The following MAML2 variants were observed in gnomAD, a reference collection of about 807,000 sequenced individuals.
The protein encoded by MAML2 is mastermind like transcriptional coactivator 2.
MAML2 carries 22 observed loss-of-function variants against 96.1 expected under a neutral mutation model. That is an observed-to-expected ratio of 0.23 (90% CI 0.16 to 0.33). The LOEUF is 0.33. MAML2 is among the 10% of genes least tolerant of loss of function. MAML2 has a pLI of 1.00. For synonymous variants in MAML2, 561 were observed against 521.3 expected (o/e 1.08, Z -1.04); for missense variants, 1,367 against 1,392.4 (o/e 0.98, Z 0.29).
At chr11:96,212,404 C>T (rs1198469185) in intron 1 of MAML2, among the ~76,000 whole-genome samples, 3 of 151,018 alleles carry the variant, frequency 2.0e-5, no homozygotes, top group Non-Finnish European at 4.4e-5. Flanking sequence ...TAAGGGTTTA[C>T]CCAGGAAGAG....
At chr11:96,036,988 A>G (rs764334829) in intron 2 of MAML2, among the ~76,000 whole-genome samples, 18 of 152,164 alleles carry the variant, frequency 1.2e-4, no homozygotes, top group Non-Finnish European at 2.5e-4. Context: ...TTTGAACTGG[A>G]TCCATCTTGG....
chr11:96,219,282 A>T (rs1393097356), intron 1 of MAML2, among the ~76,000 whole-genome samples: 1 of 152,194 alleles, frequency 6.6e-6, no homozygotes, highest in East Asian at 1.9e-4. Flanking sequence ...ATTCCTGTAC[A>T]TGTCTCACCT....
intron 4 of MAML2, 74 bp downstream of exon 4, chr11:95,985,457 C>T (rs998174639): frequency 1.2e-6 from 1 of 800,286 alleles, no homozygotes; most frequent in African/African-American, 1.8e-5. Context: ...ATGTGAGTTA[C>T]AGGGATTATT....
intron 1 of MAML2, among the ~76,000 whole-genome samples, chr11:96,152,863 CA>C (rs1860945787): frequency 6.6e-6 from 1 of 152,174 alleles, no homozygotes; most frequent in Non-Finnish European, 1.5e-5. Flanking sequence ...GCCCTCAAGA[CA>C]AGCAGCCTGC....
At chr11:96,272,292 T>C (rs1158932482) in intron 1 of MAML2, among the ~76,000 whole-genome samples, 19 of 152,200 alleles carry the variant, frequency 1.2e-4, no homozygotes, top group Admixed American at 1.2e-3. Context: ...ACTCAATAAA[T>C]ATTTGAGTAG....
chr11:96,194,506 C>G (rs376324522), intron 1 of MAML2, among the ~76,000 whole-genome samples: 1 of 152,158 alleles, frequency 6.6e-6, no homozygotes, highest in East Asian at 1.9e-4. Context: ...TTATGCAAAA[C>G]AGTTTACTGC....
intron 2 of MAML2, among the ~76,000 whole-genome samples, chr11:95,999,574 TA>T (rs5793766): frequency 0.27 from 37,310 of 138,334 alleles, 4,853 homozygotes; most frequent in East Asian, 0.41. Context: ...TTCTCTTAAT[TA>T]AAAAAAAAAA....
At chr11:96,318,313 G>GGAA (rs1251346555) in intron 1 of MAML2, among the ~76,000 whole-genome samples, 1 of 152,156 alleles carries the variant, frequency 6.6e-6, no homozygotes, top group Non-Finnish European at 1.5e-5. Context: ...AGGTAACACA[G>GGAA]GAAGAAGTAA....
intron 2 of MAML2, among the ~76,000 whole-genome samples, chr11:96,031,921 G>A (rs1858622154): frequency 6.6e-6 from 1 of 152,118 alleles, no homozygotes; most frequent in African/African-American, 2.4e-5. Context: ...GGGAGGCAGA[G>A]CTTGCAGTGA....
At chr11:95,991,273 A>G (rs566970864) in intron 3 of MAML2, among the ~76,000 whole-genome samples, 281 of 152,220 alleles carry the variant, frequency 1.8e-3, no homozygotes, top group African/African-American at 6.5e-3. Context: ...TGTTCTAGAC[A>G]TTCCTGGGCT....
intron 1 of MAML2, among the ~76,000 whole-genome samples, chr11:96,130,433 A>T (rs1860527068): frequency 6.6e-6 from 1 of 152,198 alleles, no homozygotes; most frequent in Non-Finnish European, 1.5e-5. Context: ...GAAGTTAGAG[A>T]GGGATAAGTA....
In MAML2 at chr11:96,202,859, C is replaced by T. The variant is rs137973167; in HGVS notation, c.514-109342G>A. Among the ~76,000 whole-genome samples the T allele has an allele frequency of 3.0e-3, 462 of 152,184 alleles. 2 individuals carry two copies. The highest frequency in any genetic ancestry group is 0.011 in the African/African-American group (440 of 41,512). On this transcript the variant is annotated intron_variant, in intron 1 of 4. Transcript: ENST00000524717. ...GCCAGGCTGGTCTCGAATTGCTGAC[C>T]TCAGGTGATCTATCCGCCTCGGCCT...
intron 1 of MAML2, among the ~76,000 whole-genome samples, chr11:96,337,640 T>A (rs1184367977): frequency 1.3e-5 from 2 of 152,188 alleles, no homozygotes; most frequent in Non-Finnish European, 2.9e-5. Context: ...GATACGTCAG[T>A]CTTATCTTGA....
At chr11:96,147,494 T>G (rs1016334513) in intron 1 of MAML2, among the ~76,000 whole-genome samples, 2 of 152,270 alleles carry the variant, frequency 1.3e-5, no homozygotes, top group Admixed American at 6.5e-5. Context: ...AGTTTATATT[T>G]TTTTAAATCG....
In MAML2 at chr11:96,221,476, C is replaced by A. The variant is rs149264533; in HGVS notation, c.513+119907G>T. ...TGGGAACAGTGTAACACTGTGGAGG[C>A]CAGGCTATACCCGAGGTTAGAGACC... On this transcript the variant is annotated intron_variant, in intron 1 of 4. Transcript: ENST00000524717. Among the ~76,000 whole-genome samples the A allele has an allele frequency of 3.2e-3, 494 of 152,120 alleles. 1 individual carries two copies. Among genetic ancestry groups the A allele is most frequent in the African/African-American group, 0.011 (463 of 41,496 alleles).
chr11:96,257,098 A>C (rs1416503418), intron 1 of MAML2, among the ~76,000 whole-genome samples: 3 of 152,242 alleles, frequency 2.0e-5, no homozygotes, highest in Non-Finnish European at 4.4e-5. Flanking sequence ...TTTTGCATTC[A>C]GCATTTTGAG....
chr11:96,024,245 T>C (rs2135739513), intron 2 of MAML2, among the ~76,000 whole-genome samples: 1 of 152,366 alleles, frequency 6.6e-6, no homozygotes, highest in South Asian at 2.1e-4. Flanking sequence ...TGCCTGAGTT[T>C]GGAGAAAGAA....
intron 2 of MAML2, among the ~76,000 whole-genome samples, chr11:95,998,122 A>ATCTGTCTGTCTGTCTG (rs138084497): frequency 8.5e-5 from 10 of 117,462 alleles, no homozygotes; most frequent in South Asian, 6.1e-4. Context: ...TTTTCTATCT[A>ATCTGTCTGTCTGTCTG]TCTGTCTGTC....
intron 1 of MAML2, among the ~76,000 whole-genome samples, chr11:96,198,591 AGT>A (rs1255643121): frequency 1.4e-4 from 22 of 152,276 alleles, no homozygotes; most frequent in African/African-American, 5.3e-4. Flanking sequence ...TCTATTTTGT[AGT>A]GTGGCTCCTG....
Sources: allele counts gnomAD v4.1 joint callset (sites outside exome capture counted in the v4.1 genomes callset), GRCh38; gene constraint gnomAD v4.1.1; transcripts MANE v1.5; gene names NCBI Gene and HGNC (gene_info 2026-07-23, HGNC 2026-07-21).